The following DIAPH2 variants were observed in gnomAD, a reference collection of about 807,000 sequenced individuals.
The protein encoded by DIAPH2 is protein diaphanous homolog 2.
A neutral mutation model predicts 92.7 loss-of-function variants in DIAPH2; 35 were observed. The ratio of observed to expected loss-of-function variants is 0.38; its 90% confidence interval spans 0.29 to 0.50. The LOEUF (loss-of-function observed/expected upper bound fraction) is 0.50. Among genes scored for constraint, DIAPH2 ranks in the 20% least tolerant of loss-of-function variants. DIAPH2 has a pLI of 0.94. For synonymous variants in DIAPH2, 301 were observed against 280.4 expected, an observed-to-expected ratio of 1.07 and a Z score of -0.73; for missense variants, 701 against 819.5, an observed-to-expected ratio of 0.86 and a Z score of 1.77.
chrX:97,256,627 T>G (rs2068238104), intron 23 of DIAPH2, among the ~76,000 whole-genome samples: 1 of 112,095 alleles, frequency 8.9e-6, no homozygotes, highest in Non-Finnish European at 1.9e-5. Context: ...TGGCTTTTCA[T>G]TCAGTAATCC....
intron 26 of DIAPH2, among the ~76,000 whole-genome samples, chrX:97,517,869 C>A (rs2070961339): frequency 1.8e-5 from 2 of 112,326 alleles, no homozygotes; most frequent in African/African-American, 6.5e-5. Context: ...TATACAAAGC[C>A]AAACGCTGAG....
rs749159928 is a variant in DIAPH2, at chrX:97,440,079, T to C, written c.3241+10334T>C. On this transcript the variant is annotated intron_variant, in intron 26 of 26. Transcript: ENST00000324765. The stretch of plus-strand genomic sequence containing the variant: ...ACAGAACCCTGGAGAAAAGAAACAT[T>C]TATGGCAGTGATTCTCAGCTCTGGC... Among the ~76,000 whole-genome samples the C allele has an allele frequency of 9.0e-5, 10 of 110,807 alleles. No homozygotes were observed. In the South Asian group the frequency reaches 3.5e-3, roughly 39 times the overall value.
chrX:96,815,037 C>T (rs1004589826), intron 4 of DIAPH2, among the ~76,000 whole-genome samples: 3 of 112,320 alleles, frequency 2.7e-5, no homozygotes, highest in African/African-American at 6.5e-5. Context: ...TTCAAACCTC[C>T]GTGCTGGGAG....
At chrX:96,786,360 G>A (rs1477617042) in intron 4 of DIAPH2, among the ~76,000 whole-genome samples, 1 of 111,840 alleles carries the variant, frequency 8.9e-6, no homozygotes, top group Middle Eastern at 4.2e-3. Context: ...TGTGGAGAAA[G>A]GGGCTTCAGG....
At chrX:96,987,204 G>A (rs1182328287) in intron 17 of DIAPH2, among the ~76,000 whole-genome samples, 2 of 111,347 alleles carry the variant, frequency 1.8e-5, no homozygotes, top group South Asian at 3.7e-4. Flanking sequence ...TGGGTATTAG[G>A]AGCTACATTT....
At chrX:97,006,407 T>A (rs1443163607) in intron 17 of DIAPH2, among the ~76,000 whole-genome samples, 1 of 111,957 alleles carries the variant, frequency 8.9e-6, no homozygotes, top group Non-Finnish European at 1.9e-5. Context: ...TTGCATAGGG[T>A]TCTATCTTTG....
intron 17 of DIAPH2, among the ~76,000 whole-genome samples, chrX:97,022,411 T>G (rs977849467): frequency 2.7e-5 from 3 of 111,854 alleles, no homozygotes; most frequent in Non-Finnish European, 5.6e-5. Flanking sequence ...AGTTCAGCTG[T>G]GAAGGTTAAT....
chrX:96,812,224 C>T (rs1224893394), intron 4 of DIAPH2, among the ~76,000 whole-genome samples: 1 of 111,687 alleles, frequency 9.0e-6, no homozygotes, highest in Non-Finnish European at 1.9e-5. Flanking sequence ...TTCAGGGATT[C>T]AACTTCTTCC....
At chrX:97,326,750 A>G (rs1235724770) in intron 23 of DIAPH2, among the ~76,000 whole-genome samples, 2 of 112,443 alleles carry the variant, frequency 1.8e-5, no homozygotes. Flanking sequence ...AAATGTGCAT[A>G]TATTAAGTTC....
intron 4 of DIAPH2, among the ~76,000 whole-genome samples, chrX:96,878,981 CTCTA>C (rs1176122856): frequency 9.0e-6 from 1 of 111,498 alleles, no homozygotes; most frequent in Non-Finnish European, 1.9e-5. Context: ...TTTGTTTATT[CTCTA>C]TCCATCCATC....
chrX:97,445,511 G>A (rs751922524), intron 26 of DIAPH2, among the ~76,000 whole-genome samples: 2 of 110,621 alleles, frequency 1.8e-5, no homozygotes, highest in Admixed American at 1.9e-4. Flanking sequence ...TCTGTCCCCA[G>A]GATTCAAGAG....
At chrX:97,192,868 A>G (rs573116947) in intron 22 of DIAPH2, among the ~76,000 whole-genome samples, 1 of 110,862 alleles carries the variant, frequency 9.0e-6, no homozygotes, top group East Asian at 2.8e-4. Flanking sequence ...TAAGAGAGTT[A>G]CTTAAGACTC....
At chrX:97,466,807 G>T (rs1055036365) in intron 26 of DIAPH2, among the ~76,000 whole-genome samples, 1 of 112,159 alleles carries the variant, frequency 8.9e-6, no homozygotes, top group African/African-American at 3.2e-5. Flanking sequence ...ATTTGTGTTT[G>T]CCTGGTTTTA....
At chrX:97,436,882 AG>A (rs1266193271) in intron 26 of DIAPH2, among the ~76,000 whole-genome samples, 4 of 112,162 alleles carry the variant, frequency 3.6e-5, no homozygotes, top group Non-Finnish European at 7.5e-5. Flanking sequence ...TTGACAAAGT[AG>A]GGGGGAAATG....
At chrX:97,300,952 AAAAAAAAAAAAAAG>A (rs772252108) in intron 23 of DIAPH2, among the ~76,000 whole-genome samples, 1,783 of 70,309 alleles carry the variant, frequency 0.025, 84 homozygotes, top group Non-Finnish European at 0.041. Flanking sequence ...AAAAAAAAAA[AAAAAAAAAAAAAAG>A]AAGAAGAAGA....
At chrX:97,435,549 G>A (rs2070174285) in intron 26 of DIAPH2, among the ~76,000 whole-genome samples, 1 of 111,541 alleles carries the variant, frequency 9.0e-6, no homozygotes, top group South Asian at 3.8e-4. Context: ...AGTTTGGTGG[G>A]TGAAAGGTAC....
intron 26 of DIAPH2, among the ~76,000 whole-genome samples, chrX:97,476,689 G>A (rs1009427521): frequency 9.2e-6 from 1 of 108,879 alleles, no homozygotes; most frequent in Non-Finnish European, 1.9e-5. Context: ...GCCGGGCGCC[G>A]TGGCTCATGC....
chrX:96,774,327 T>C, intron 4 of DIAPH2, among the ~76,000 whole-genome samples: 1 of 111,829 alleles, frequency 8.9e-6, no homozygotes, highest in Non-Finnish European at 1.9e-5. Flanking sequence ...TCTAACACTG[T>C]TAATATTTAG....
intron 1 of DIAPH2, among the ~76,000 whole-genome samples, chrX:96,718,349 T>G (rs2063967063): frequency 4.1e-4 from 24 of 58,377 alleles, no homozygotes; most frequent in Non-Finnish European, 6.0e-4. Context: ...TTTTTTTTTT[T>G]TTTTTTTTTT....
Sources: allele counts gnomAD v4.1 joint callset (sites outside exome capture counted in the v4.1 genomes callset), GRCh38; gene constraint gnomAD v4.1.1; transcripts MANE v1.5; gene names NCBI Gene and HGNC (gene_info 2026-07-23, HGNC 2026-07-21).